MYO5C: variants seen among roughly 807,000 people sequenced by gnomAD.
MYO5C encodes the protein myosin VC, also known as unconventional myosin-Vc.
A neutral mutation model predicts 235.7 loss-of-function variants in MYO5C; 194 were observed. The ratio of observed to expected loss-of-function variants is 0.82; its 90% CI spans 0.73 to 0.93. MYO5C has a LOEUF of 0.93. MYO5C is among the 40% of genes least tolerant of loss of function. The pLI is 0.00. For missense variants in MYO5C, 2,038 were observed against 2,127.2 expected, an observed-to-expected ratio of 0.96 and a Z score of 0.82; for synonymous variants, 707 against 754.8, an observed-to-expected ratio of 0.94 and a Z score of 1.04.
chr15:52,230,004 C>G (rs903641537), intron 24 of MYO5C, among the ~76,000 whole-genome samples: 1 of 152,144 alleles, frequency 6.6e-6, no homozygotes. Flanking sequence ...AGTCCTGGCT[C>G]CTTCCTCGTT....
chr15:52,293,628 C>T (rs2037440137), intron 1 of MYO5C, among the ~76,000 whole-genome samples: 1 of 152,150 alleles, frequency 6.6e-6, no homozygotes, highest in Non-Finnish European at 1.5e-5. Context: ...TTGGCTGGTC[C>T]CTTCAACCCC....
At chr15:52,257,000 A>G (rs1043780596) in intron 10 of MYO5C, 2 of 271,842 alleles carry the variant, frequency 7.4e-6, no homozygotes, top group Non-Finnish European at 7.0e-6. Flanking sequence ...CCGCACAACA[A>G]CAGTGATATT....
intron 1 of MYO5C, among the ~76,000 whole-genome samples, chr15:52,289,963 C>T (rs77345511): frequency 0.014 from 2,137 of 152,278 alleles, 43 homozygotes; most frequent in African/African-American, 0.05. Context: ...TAGCCCCACC[C>T]ATCCTCTCCC....
intron 8 of MYO5C, among the ~76,000 whole-genome samples, chr15:52,267,923 A>T (rs1265112846): frequency 6.6e-6 from 1 of 152,138 alleles, no homozygotes; most frequent in Non-Finnish European, 1.5e-5. Context: ...TCACGCACCA[A>T]GCCCCCTCTC....
intron 18 of MYO5C, 44 bp from the exon 19 acceptor site, chr15:52,244,611 T>C: frequency 7.2e-7 from 1 of 1,384,358 alleles, no homozygotes; most frequent in Non-Finnish European, 1.0e-6. Context: ...ATCTGTCAGA[T>C]TTTCTATAAT....
intron 16 of MYO5C, 123 bp downstream of exon 16, chr15:52,246,794 C>G (rs1325807262): frequency 1.4e-6 from 1 of 705,628 alleles, no homozygotes; most frequent in African/African-American, 1.8e-5. Context: ...CAGCATTGTT[C>G]TGAATCATTA....
intron 21 of MYO5C, among the ~76,000 whole-genome samples, chr15:52,238,323 C>T (rs900891143): frequency 2.0e-5 from 3 of 152,230 alleles, no homozygotes; most frequent in African/African-American, 7.2e-5. Flanking sequence ...CGTTGGGACT[C>T]CCACCAGGCA....
At chr15:52,237,714 A>C in intron 21 of MYO5C, 68 bp from the exon 22 acceptor site, 202 of 1,488,104 alleles carry the variant, frequency 1.4e-4, no homozygotes, top group Middle Eastern at 3.5e-4. Flanking sequence ...TTTAATTCTC[A>C]TAGCCTTTGA....
chr15:52,250,491 G>A (rs1417573480), intron 13 of MYO5C, among the ~76,000 whole-genome samples: 3 of 152,066 alleles, frequency 2.0e-5, no homozygotes, highest in African/African-American at 4.8e-5. Flanking sequence ...CGATCCACCC[G>A]CCTCAGCCTC....
chr15:52,225,032 T>G (rs1453950088), intron 27 of MYO5C, 43 bp downstream of exon 27: 1 of 1,613,260 alleles, frequency 6.2e-7, no homozygotes, highest in South Asian at 1.1e-5. Flanking sequence ...ACGTTTTACA[T>G]GTTTACATGT....
At chr15:52,224,682 G>T (rs1407504139) in intron 28 of MYO5C, among the ~76,000 whole-genome samples, 3 of 152,120 alleles carry the variant, frequency 2.0e-5, no homozygotes, top group African/African-American at 7.2e-5. Flanking sequence ...TCACTGTATG[G>T]GTTATGGGGT....
At chr15:52,246,472 C>T (rs1312807014) in intron 16 of MYO5C, among the ~76,000 whole-genome samples, 2 of 152,206 alleles carry the variant, frequency 1.3e-5, no homozygotes, top group Non-Finnish European at 2.9e-5. Flanking sequence ...AGCTCATCCC[C>T]CTTTAGGCAC....
intron 21 of MYO5C, 127 bp downstream of exon 21, chr15:52,239,606 G>A: frequency 1.1e-6 from 1 of 913,740 alleles, no homozygotes; most frequent in Non-Finnish European, 1.6e-6. Context: ...CCTAGCTCAG[G>A]TGGTCCACGT....
intron 9 of MYO5C, among the ~76,000 whole-genome samples, chr15:52,263,464 G>A (rs2036735431): frequency 1.3e-5 from 2 of 152,140 alleles, no homozygotes; most frequent in Admixed American, 6.5e-5. Flanking sequence ...ATTCAAGCAG[G>A]TGTAAGGAGG....
chr15:52,266,721 A>G (rs1178310123), intron 8 of MYO5C, among the ~76,000 whole-genome samples: 1 of 152,240 alleles, frequency 6.6e-6, no homozygotes, highest in East Asian at 1.9e-4. Flanking sequence ...GCCCACCGCA[A>G]TATGAGAAAA....
At chr15:52,227,184 AGAGT>A (rs2035843547) in intron 25 of MYO5C, among the ~76,000 whole-genome samples, 2 of 144,756 alleles carry the variant, frequency 1.4e-5, no homozygotes, top group Admixed American at 1.4e-4. Context: ...ACAAAAACCC[AGAGT>A]AATTTTTTTT....
At chr15:52,248,598 AC>A in intron 14 of MYO5C, 101 bp downstream of exon 14, 1 of 833,680 alleles carries the variant, frequency 1.2e-6, no homozygotes, top group Non-Finnish European at 2.0e-6. Context: ...ACACACACAC[AC>A]ACACACACTC....
At chr15:52,245,834 C>G (rs1015546545) in intron 17 of MYO5C, 122 bp downstream of exon 17, 3 of 853,024 alleles carry the variant, frequency 3.5e-6, no homozygotes, top group Non-Finnish European at 3.8e-6. Flanking sequence ...GTGGGAAAAT[C>G]TTGGGGGCAC....
intron 28 of MYO5C, 144 bp from the exon 29 acceptor site, chr15:52,223,868 G>A (rs2035758435): frequency 4.8e-6 from 3 of 622,456 alleles, no homozygotes; most frequent in Non-Finnish European, 7.9e-6. Flanking sequence ...ACAGGCTACA[G>A]AATCAGGAAT....
Sources: gnomAD v4.1 joint callset for allele counts (sites outside exome capture counted in the v4.1 genomes callset) on GRCh38, gnomAD v4.1.1 for gene constraint, MANE v1.5 for transcripts, NCBI Gene and HGNC (gene_info 2026-07-23, HGNC 2026-07-21) for gene names.